The following PALM2AKAP2 variants were observed in gnomAD, a reference collection of about 807,000 sequenced individuals.
PALM2AKAP2 encodes the protein PALM2-AKAP2 fusion protein.
In PALM2AKAP2, 37 loss-of-function variants were observed where a neutral mutation model predicts 71.5. The ratio of observed to expected loss-of-function variants is 0.52; its 90% confidence interval spans 0.40 to 0.68. The LOEUF (loss-of-function observed/expected upper bound fraction) is 0.68, where lower values mean the gene tolerates loss of function less well. PALM2AKAP2 is among the 30% of genes least tolerant of loss of function. The pLI, the probability that PALM2AKAP2 is intolerant of heterozygous loss-of-function variation, is 0.00. For synonymous variants in PALM2AKAP2, 468 were observed against 478.8 expected (o/e 0.98, Z 0.29); for missense variants, 1,224 against 1,191.8 (o/e 1.03, Z -0.40).
intron 1 of PALM2AKAP2, among the ~76,000 whole-genome samples, chr9:109,689,213 T>C (rs1564113720): frequency 1.3e-5 from 2 of 150,360 alleles, no homozygotes; most frequent in Non-Finnish European, 3.0e-5. Context: ...TTTTTTTTTT[T>C]TTTTTTTTAG....
At chr9:109,809,266 T>G (rs1827664697) in intron 1 of PALM2AKAP2, among the ~76,000 whole-genome samples, 1 of 152,162 alleles carries the variant, frequency 6.6e-6, no homozygotes, top group Non-Finnish European at 1.5e-5. Flanking sequence ...TGAAAGCAAC[T>G]GGGAGGGGAG....
At chr9:109,793,274 C>T (rs1827166649) in intron 1 of PALM2AKAP2, among the ~76,000 whole-genome samples, 2 of 152,240 alleles carry the variant, frequency 1.3e-5, no homozygotes, top group South Asian at 4.1e-4. Flanking sequence ...GTTCATGTTA[C>T]AGCCCCTCCT....
At chr9:109,766,139 G>A in intron 1 of PALM2AKAP2, among the ~76,000 whole-genome samples, 1 of 152,162 alleles carries the variant, frequency 6.6e-6, no homozygotes, top group East Asian at 1.9e-4. Context: ...AGCACTTAAG[G>A]ACATGCTATG....
At chr9:110,007,731 C>G (rs766698925) in intron 6 of PALM2AKAP2, among the ~76,000 whole-genome samples, 12 of 152,154 alleles carry the variant, frequency 7.9e-5, no homozygotes, top group Non-Finnish European at 1.5e-4. Flanking sequence ...AAAATCAACT[C>G]ACGAAAGGCT....
intron 1 of PALM2AKAP2, among the ~76,000 whole-genome samples, chr9:109,751,162 C>T (rs1828882123): frequency 6.6e-6 from 1 of 152,150 alleles, no homozygotes; most frequent in Admixed American, 6.6e-5. Context: ...CAGAAAATGT[C>T]TAAACTGAGT....
chr9:109,829,454 C>T (rs1398960983), intron 1 of PALM2AKAP2, among the ~76,000 whole-genome samples: 2 of 152,126 alleles, frequency 1.3e-5, no homozygotes, highest in Non-Finnish European at 2.9e-5. Flanking sequence ...AAGAGCCCAG[C>T]ACATAGTAGT....
intron 1 of PALM2AKAP2, among the ~76,000 whole-genome samples, chr9:109,675,546 T>G (rs1827635563): frequency 6.6e-6 from 1 of 152,174 alleles, no homozygotes; most frequent in Admixed American, 6.5e-5. Flanking sequence ...TTTAATCATC[T>G]CTTTTTCTTT....
At chr9:110,090,241 C>A (rs1834675475) in intron 1 of PALM2AKAP2, 4 of 415,598 alleles carry the variant, frequency 9.6e-6, no homozygotes, top group South Asian at 7.1e-5. Context: ...GTCCTGCTTC[C>A]CCTGAAATCC....
chr9:110,142,660 T>C (rs1836062618), intron 2 of PALM2AKAP2, among the ~76,000 whole-genome samples: 1 of 151,884 alleles, frequency 6.6e-6, no homozygotes, highest in Non-Finnish European at 1.5e-5. Flanking sequence ...ACTGAAGGGG[T>C]AAAGTTGGGC....
chr9:109,649,296 C>A (rs1186928059), intron 1 of PALM2AKAP2, among the ~76,000 whole-genome samples: 1 of 151,930 alleles, frequency 6.6e-6, no homozygotes, highest in South Asian at 2.1e-4. Flanking sequence ...CATCTATTAC[C>A]CATTGCTCTC....
At chr9:109,756,668 A>T (rs1247140725) in intron 1 of PALM2AKAP2, among the ~76,000 whole-genome samples, 1 of 152,158 alleles carries the variant, frequency 6.6e-6, no homozygotes, top group African/African-American at 2.4e-5. Flanking sequence ...TATGGATTCA[A>T]ACTGTAGTTA....
intron 1 of PALM2AKAP2, among the ~76,000 whole-genome samples, chr9:109,795,899 C>G (rs1052982474): frequency 5.3e-5 from 8 of 152,158 alleles, no homozygotes; most frequent in African/African-American, 1.9e-4. Context: ...TATGGGCGAG[C>G]AGAGGTGCTG....
At chr9:110,103,824 G>A (rs1468856932) in intron 1 of PALM2AKAP2, among the ~76,000 whole-genome samples, 3 of 152,178 alleles carry the variant, frequency 2.0e-5, no homozygotes, top group Admixed American at 6.5e-5. Context: ...ATGGGCCTTT[G>A]TTCCCAGAGC....
intron 1 of PALM2AKAP2, among the ~76,000 whole-genome samples, chr9:109,785,969 A>G (rs371320652): frequency 2.0e-5 from 3 of 152,348 alleles, no homozygotes; most frequent in Middle Eastern, 3.4e-3. Flanking sequence ...GGCCTCTTTC[A>G]TTCTTGAAAT....
Position 110,138,522 on chromosome 9 carries a change from G to GCTGCC in PALM2AKAP2, c.2554_2555insGCCCT (p.Tyr852CysfsTer10). On this transcript the variant is annotated frameshift_variant, in exon 2 of 4. Coordinates refer to ENST00000374525, the Ensembl canonical transcript of PALM2AKAP2. LOFTEE classifies it high-confidence loss of function. Reference sequence around the variant, plus strand: ...GCCCCATCACTGCCCTCCAGAACATGCTACAAAACTGCTCCAGGTAAGTGA... The same window carrying GCTGCC: ...GCCCCATCACTGCCCTCCAGAACATGCTGCCCTACAAAACTGCTCCAGGTAAGTGA... The GCTGCC allele has an allele frequency of 6.2e-7, 1 of 1,604,056 alleles. No homozygotes were observed. Among genetic ancestry groups the GCTGCC allele is most frequent in the East Asian group, 2.2e-5 (1 of 44,798 alleles).
intron 1 of PALM2AKAP2, among the ~76,000 whole-genome samples, chr9:109,865,792 C>T (rs1829434073): frequency 6.6e-6 from 1 of 152,190 alleles, no homozygotes; most frequent in Non-Finnish European, 1.5e-5. Context: ...GAATGACTGA[C>T]AAAGTCCAGT....
At chr9:109,829,341 G>C (rs1284081186) in intron 1 of PALM2AKAP2, among the ~76,000 whole-genome samples, 1 of 152,038 alleles carries the variant, frequency 6.6e-6, no homozygotes, top group African/African-American at 2.4e-5. Flanking sequence ...ATAGCATTTA[G>C]TGCATTTATT....
upstream of PALM2AKAP2, among the ~76,000 whole-genome samples, chr9:110,044,004 C>T (rs533771267): frequency 4.6e-5 from 7 of 152,142 alleles, no homozygotes; most frequent in Admixed American, 6.5e-5. Flanking sequence ...CAGGTGTGAG[C>T]CACCACATCC....
chr9:110,143,581 T>G (rs1332853701), intron 2 of PALM2AKAP2, among the ~76,000 whole-genome samples: 1 of 152,214 alleles, frequency 6.6e-6, no homozygotes, highest in Non-Finnish European at 1.5e-5. Context: ...TCAAGACCTT[T>G]TCAAATGTCT....
Sources: gnomAD v4.1 joint callset for allele counts (sites outside exome capture counted in the v4.1 genomes callset) on GRCh38, gnomAD v4.1.1 for gene constraint, MANE v1.5 for transcripts, NCBI Gene and HGNC (gene_info 2026-07-23, HGNC 2026-07-21) for gene names.